KCNT2: variants seen among roughly 807,000 people sequenced by gnomAD.
KCNT2 encodes potassium channel subfamily T member 2.
KCNT2 carries 67 observed loss-of-function variants against 153.8 expected under a neutral mutation model. That is an observed-to-expected ratio of 0.44 (90% CI 0.36 to 0.53). The LOEUF is 0.53. Among genes scored for constraint, KCNT2 ranks in the 20% least tolerant of loss-of-function variants. The pLI, the probability that KCNT2 is intolerant of heterozygous loss-of-function variation, is 0.00. For missense variants in KCNT2, 975 were observed against 1,354.8 expected, an observed-to-expected ratio of 0.72 and a Z score of 4.40; for synonymous variants, 500 against 458.8, an observed-to-expected ratio of 1.09 and a Z score of -1.15.
At chr1:196,343,728 G>T (rs140086135) in intron 14 of KCNT2, among the ~76,000 whole-genome samples, 47 of 152,146 alleles carry the variant, frequency 3.1e-4, no homozygotes, top group African/African-American at 1.1e-3. Context: ...TGTCTAATCT[G>T]AGTCCCAACT....
intron 8 of KCNT2, among the ~76,000 whole-genome samples, chr1:196,451,892 A>G (rs1241636620): frequency 6.6e-6 from 1 of 151,876 alleles, no homozygotes; most frequent in African/African-American, 2.4e-5. Context: ...ATATTCCCAA[A>G]TAAAATTTTG....
At chr1:196,463,014 G>A (rs528662040) in intron 8 of KCNT2, among the ~76,000 whole-genome samples, 17 of 151,706 alleles carry the variant, frequency 1.1e-4, no homozygotes, top group Admixed American at 5.3e-4. Flanking sequence ...GACTTAGGAC[G>A]TACTTGCAAG....
rs1477526991 is a variant in KCNT2, at chr1:196,228,265, T to G, written c.3367A>C (p.Asn1123His). 2 of 1,611,978 alleles carry G rather than the reference T, an allele frequency of 1.2e-6. No individual in the cohort carries two copies. The highest frequency in any genetic ancestry group is 2.7e-5 in the African/African-American group (2 of 74,928). Residue 1123 changes from asparagine (N) to histidine (H), a missense_variant, in exon 28 of 28, where the codon AAT becomes CAT. By Grantham distance (68) the Asn-to-His change is moderately conservative (BLOSUM62 1). Coordinates refer to ENST00000294725, the MANE Select transcript of KCNT2 (RefSeq NM_198503.5). ...TCCCGAGAATCTTGACCAGTGACAT[T>G]GCAGATGCTGTTTCTTCGACTGGGC... Reference protein sequence around the residue: ...SEPSRRNSICNVTGQDSREET... With the variant: ...SEPSRRNSICHVTGQDSREET...
In KCNT2 at chr1:196,369,987, C is replaced by A. The variant is rs201109426; in HGVS notation, c.1403+3153G>T. Among the ~76,000 whole-genome samples the A allele has an allele frequency of 1.1e-3, 164 of 152,026 alleles. 2 individuals carry two copies. In the East Asian group the frequency reaches 0.028, roughly 26 times the overall value. On this transcript the variant is annotated intron_variant, in intron 14 of 27. Transcript: ENST00000294725. ...TGAAAAAATGCTCACCATCACTGGCCATCAGAGAAATGCAAATCAAAACCA... is the reference window on the plus strand; with the variant it reads ...TGAAAAAATGCTCACCATCACTGGCAATCAGAGAAATGCAAATCAAAACCA...
chr1:196,469,161 A>T (rs1425022642), intron 5 of KCNT2, 93 bp from the exon 6 acceptor site: 1 of 708,646 alleles, frequency 1.4e-6, no homozygotes, highest in Non-Finnish European at 2.5e-6. Flanking sequence ...TCTAGCAATA[A>T]GGATGCTTCC....
At chr1:196,579,558 A>G (rs1661774016) in intron 1 of KCNT2, among the ~76,000 whole-genome samples, 3 of 151,960 alleles carry the variant, frequency 2.0e-5, no homozygotes, top group Non-Finnish European at 4.4e-5. Context: ...TAATGACACG[A>G]TCTCGGCTCA....
chr1:196,341,944 T>A (rs1009640625), intron 15 of KCNT2, 135 bp downstream of exon 15: 1 of 747,026 alleles, frequency 1.3e-6, no homozygotes, highest in Non-Finnish European at 2.1e-6. Context: ...TGTTTCAACA[T>A]TGGGGAATAT....
rs1039768482 is a variant in KCNT2 at position 196,227,239 on chromosome 1, G to A, written c.*985C>T. The A allele has an allele frequency of 6.6e-6, 1 of 151,906 alleles. No individual in the cohort carries two copies. Among genetic ancestry groups the A allele is most frequent in the African/African-American group, 2.4e-5 (1 of 41,400 alleles). The allele number at this position is 151,906 out of a possible 1,614,324, so 9.4% of individuals were successfully genotyped here. ...TACCAAAGACATAAGGACTTTTAAT[G>A]TTTTGAAGTGTCTTCAGAGTCCATA... is the stretch of plus-strand genomic sequence containing the variant. On this transcript the variant is annotated 3_prime_UTR_variant, in exon 28 of 28. Coordinates refer to ENST00000294725, the MANE Select transcript of KCNT2 (RefSeq NM_198503.5).
intron 1 of KCNT2, among the ~76,000 whole-genome samples, chr1:196,589,056 C>T (rs528990090): frequency 2.6e-5 from 4 of 151,894 alleles, no homozygotes; most frequent in Admixed American, 6.6e-5. Context: ...TAAATAAACA[C>T]GATATATTCA....
At chr1:196,311,355 C>T (rs1419862430) in intron 21 of KCNT2, among the ~76,000 whole-genome samples, 4 of 151,754 alleles carry the variant, frequency 2.6e-5, no homozygotes, top group African/African-American at 9.7e-5. Flanking sequence ...GATACATTAA[C>T]AAATCACAAT....
intron 7 of KCNT2, among the ~76,000 whole-genome samples, chr1:196,466,462 T>G (rs1677625280): frequency 6.6e-6 from 1 of 152,014 alleles, no homozygotes; most frequent in African/African-American, 2.4e-5. Flanking sequence ...ATCCAAATAT[T>G]CCTTTAGGCC....
At chr1:196,452,475 T>C (rs1382651830) in intron 8 of KCNT2, among the ~76,000 whole-genome samples, 4 of 152,118 alleles carry the variant, frequency 2.6e-5, no homozygotes, top group Non-Finnish European at 4.4e-5. Flanking sequence ...TCTCCATTCA[T>C]GTAGATGACT....
intron 23 of KCNT2, among the ~76,000 whole-genome samples, 181 bp from the exon 24 acceptor site, chr1:196,282,537 T>A (rs1659214121): frequency 6.6e-6 from 1 of 152,222 alleles, no homozygotes; most frequent in African/African-American, 2.4e-5. Context: ...GATAAACATG[T>A]ACAGTTAAGC....
intron 14 of KCNT2, among the ~76,000 whole-genome samples, chr1:196,342,486 A>C (rs1665768849): frequency 6.8e-6 from 1 of 147,674 alleles, no homozygotes; most frequent in South Asian, 2.1e-4. Context: ...ACAGTTTTGT[A>C]GAAAGTGGGA....
chr1:196,429,008 C>CTTT (rs143860054), intron 9 of KCNT2, among the ~76,000 whole-genome samples: 1 of 138,834 alleles, frequency 7.2e-6, no homozygotes. Flanking sequence ...CATGTTCAGA[C>CTTT]TTTTTTTTTT....
At chr1:196,462,891 C>T (rs1677277605) in intron 8 of KCNT2, among the ~76,000 whole-genome samples, 1 of 151,296 alleles carries the variant, frequency 6.6e-6, no homozygotes, top group Non-Finnish European at 1.5e-5. Context: ...GCTGGATATA[C>T]TACTACCCAG....
At chr1:196,435,340 C>G (rs1674560688) in intron 8 of KCNT2, among the ~76,000 whole-genome samples, 2 of 149,752 alleles carry the variant, frequency 1.3e-5, no homozygotes, top group Admixed American at 6.7e-5. Context: ...TTCCTAGTAA[C>G]TAGTATTTAT....
chr1:196,591,790 T>C (rs559609802), intron 1 of KCNT2, among the ~76,000 whole-genome samples: 2 of 152,290 alleles, frequency 1.3e-5, no homozygotes, highest in African/African-American at 4.8e-5. Context: ...GAACATAATT[T>C]GGGATGCACA....
At chr1:196,264,949 G>A (rs1031538764) in intron 25 of KCNT2, among the ~76,000 whole-genome samples, 2 of 152,092 alleles carry the variant, frequency 1.3e-5, no homozygotes, top group Non-Finnish European at 2.9e-5. Flanking sequence ...ATGCTTAATC[G>A]TGATGAAAGC....
Sources: allele counts gnomAD v4.1 joint callset (sites outside exome capture counted in the v4.1 genomes callset), GRCh38; gene constraint gnomAD v4.1.1; transcripts MANE v1.5; gene names NCBI Gene and HGNC (gene_info 2026-07-23, HGNC 2026-07-21).